The following DSCAM variants were observed in gnomAD, a reference collection of about 807,000 sequenced individuals.
DSCAM encodes cell adhesion molecule DSCAM.
In DSCAM, 47 loss-of-function variants were observed where a neutral mutation model predicts 217.7. The ratio of observed to expected loss-of-function variants is 0.22; its 90% CI spans 0.17 to 0.28. The LOEUF (loss-of-function observed/expected upper bound fraction) is 0.28. Ranked by LOEUF, DSCAM falls within the 10% of genes least tolerant of loss-of-function variation. The pLI is 1.00. For synonymous variants in DSCAM, 1,056 were observed against 1,015.3 expected, an observed-to-expected ratio of 1.04 and a Z score of -0.76; for missense variants, 2,080 against 2,618.3, an observed-to-expected ratio of 0.79 and a Z score of 4.49.
At chr21:40,653,046 G>GTCCCTATA (rs1357146809) in intron 3 of DSCAM, among the ~76,000 whole-genome samples, 1 of 152,208 alleles carries the variant, frequency 6.6e-6, no homozygotes, top group African/African-American at 2.4e-5. Flanking sequence ...GTTAAGCCCT[G>GTCCCTATA]TCCCTATAGG....
At chr21:40,749,245 T>C (rs891258096) in intron 1 of DSCAM, among the ~76,000 whole-genome samples, 1 of 152,100 alleles carries the variant, frequency 6.6e-6, no homozygotes, top group Non-Finnish European at 1.5e-5. Flanking sequence ...ATTAAAAATC[T>C]TTTGCACAGC....
At chr21:40,243,981 G>C (rs747624285) in intron 11 of DSCAM, among the ~76,000 whole-genome samples, 4 of 152,118 alleles carry the variant, frequency 2.6e-5, no homozygotes, top group African/African-American at 9.7e-5. Context: ...CTAAAGACAA[G>C]TGGAAAATAA....
intron 28 of DSCAM, among the ~76,000 whole-genome samples, chr21:40,061,505 G>A (rs1473797464): frequency 6.6e-6 from 1 of 150,630 alleles, no homozygotes; most frequent in Non-Finnish European, 1.5e-5. Context: ...TGAGGCGGAG[G>A]TTGCAGTGAG....
At chr21:40,474,415 T>C (rs2075916069) in intron 3 of DSCAM, among the ~76,000 whole-genome samples, 1 of 152,214 alleles carries the variant, frequency 6.6e-6, no homozygotes, top group Non-Finnish European at 1.5e-5. Context: ...CAGCATATAA[T>C]ATTCCATTTA....
At chr21:40,085,989 G>T (rs1160607888) in intron 22 of DSCAM, among the ~76,000 whole-genome samples, 1 of 152,204 alleles carries the variant, frequency 6.6e-6, no homozygotes, top group Non-Finnish European at 1.5e-5. Context: ...TGAGATCTGT[G>T]TCAAGGGCCC....
chr21:40,558,871 G>A (rs183136633), intron 3 of DSCAM, among the ~76,000 whole-genome samples: 3 of 152,054 alleles, frequency 2.0e-5, no homozygotes, highest in African/African-American at 7.2e-5. Context: ...CCTTCACTAC[G>A]TATGCCAGGA....
At chr21:40,637,963 C>T (rs1052469327) in intron 3 of DSCAM, among the ~76,000 whole-genome samples, 3 of 151,964 alleles carry the variant, frequency 2.0e-5, no homozygotes, top group Admixed American at 6.6e-5. Flanking sequence ...GGATTACAGG[C>T]ATGAGCCACC....
intron 1 of DSCAM, among the ~76,000 whole-genome samples, chr21:40,834,053 G>C (rs1319373798): frequency 6.6e-6 from 1 of 152,156 alleles, no homozygotes; most frequent in Non-Finnish European, 1.5e-5. Flanking sequence ...GAAGAACACA[G>C]CTTGTCCGGT....
At chr21:40,351,698 T>G (rs571704106) in intron 5 of DSCAM, among the ~76,000 whole-genome samples, 1 of 152,134 alleles carries the variant, frequency 6.6e-6, no homozygotes, top group Non-Finnish European at 1.5e-5. Context: ...TCCAGAAGCA[T>G]TGGAGAATCA....
chr21:40,094,154 A>T (rs1446862126), intron 20 of DSCAM, among the ~76,000 whole-genome samples: 1 of 152,162 alleles, frequency 6.6e-6, no homozygotes, highest in Non-Finnish European at 1.5e-5. Context: ...TGGAGTAACA[A>T]GAACCAGATT....
intron 3 of DSCAM, among the ~76,000 whole-genome samples, chr21:40,451,547 C>T (rs2075719774): frequency 6.6e-6 from 1 of 152,122 alleles, no homozygotes; most frequent in South Asian, 2.1e-4. Context: ...ATTAAGTCTG[C>T]ACCAGGTATA....
Position 40,846,602 on chromosome 21 carries a change from C to T in DSCAM, c.43+17G>A, listed in dbSNP as rs2092147496. ...AATGATAAGGAAACGAAATTCATCA[C>T]AAACCGAAAGGCTCACCATTCGCGA... On this transcript the variant is annotated intron_variant, in intron 1 of 32. Transcript: ENST00000400454. 2 of 1,233,466 alleles carry T rather than the reference C, an allele frequency of 1.6e-6. No individual in the cohort carries two copies. Among genetic ancestry groups the T allele is most frequent in the Non-Finnish European group, 2.1e-6 (2 of 972,784 alleles). The allele number at this position is 1,233,466 out of a possible 1,614,324, so 76.4% of individuals were successfully genotyped here.
Position 40,255,789 on chromosome 21 carries a change from C to G in DSCAM, c.2356+20308G>C, listed in dbSNP as rs143874812. On this transcript the variant is annotated intron_variant, in intron 11 of 32. Coordinates refer to ENST00000400454, the MANE Select transcript of DSCAM (RefSeq NM_001389.5). ...GAGGCTTATAGGAGCTCAGGACAAC[C>G]CCTAGCTGACAGCTGGCAGGGAAGC... Among the ~76,000 whole-genome samples the G allele has an allele frequency of 3.3e-3, 508 of 152,302 alleles. 1 individual carries two copies. The highest frequency in any genetic ancestry group is 0.011 in the African/African-American group (470 of 41,576).
At position 40,187,751 on chromosome 21, in the gene DSCAM, G is replaced by C. The variant is rs1378093860; in HGVS notation, c.2650+140C>G. 3.4e-5 allele frequency: 27 copies of C among 797,590 alleles called. No homozygotes were observed. In the East Asian group the frequency reaches 6.9e-4, roughly 20 times the overall value. The allele number at this position is 797,590 out of a possible 1,614,324, so 49.4% of individuals were successfully genotyped here. A position where few individuals can be genotyped will look rare whatever the true frequency, so the allele number is the denominator to read the frequency against. On this transcript the variant is annotated intron_variant, in intron 13 of 32. Coordinates refer to ENST00000400454, the MANE Select transcript of DSCAM (RefSeq NM_001389.5). ...CACTGCAAAATTCTGCTTTAGCACT[G>C]ACATTATACATATTCAAAATTTCCT... is the stretch of plus-strand genomic sequence containing the variant.
At chr21:40,526,938 T>C (rs779796545) in intron 3 of DSCAM, among the ~76,000 whole-genome samples, 2 of 152,054 alleles carry the variant, frequency 1.3e-5, no homozygotes, top group African/African-American at 4.8e-5. Flanking sequence ...GAGGTCAAGG[T>C]GCTTCCCTGG....
At chr21:40,052,214 C>T in intron 29 of DSCAM, 107 bp from the exon 30 acceptor site, 1 of 1,205,584 alleles carries the variant, frequency 8.3e-7, no homozygotes, top group Non-Finnish European at 1.2e-6. Context: ...ATGACAACCA[C>T]AATAATAGCC....
chr21:40,827,483 A>AAG (rs1555892990), intron 1 of DSCAM, among the ~76,000 whole-genome samples: 78,595 of 133,238 alleles, frequency 0.59, 22,701 homozygotes, highest in East Asian at 0.65. Flanking sequence ...AAAAAAAAAA[A>AAG]AAAGAAAAGA....
intron 3 of DSCAM, among the ~76,000 whole-genome samples, chr21:40,417,725 CGTT>C (rs993811800): frequency 2.0e-5 from 3 of 152,040 alleles, no homozygotes; most frequent in Non-Finnish European, 4.4e-5. Flanking sequence ...AAATTATAAT[CGTT>C]GTGCTTAGTT....
At chr21:40,612,091 T>C (rs1015336696) in intron 3 of DSCAM, among the ~76,000 whole-genome samples, 2 of 152,200 alleles carry the variant, frequency 1.3e-5, no homozygotes, top group Non-Finnish European at 2.9e-5. Flanking sequence ...GGGTGAGTGC[T>C]GGATTCTATC....
Sources: allele counts gnomAD v4.1 joint callset (sites outside exome capture counted in the v4.1 genomes callset), GRCh38; gene constraint gnomAD v4.1.1; transcripts MANE v1.5; gene names NCBI Gene and HGNC (gene_info 2026-07-23, HGNC 2026-07-21).